The following NBR1 variants were observed in gnomAD, a reference collection of about 807,000 sequenced individuals.
The protein encoded by NBR1 is NBR1 autophagy cargo receptor.
In NBR1, 59 loss-of-function variants were observed where a neutral mutation model predicts 115.5. The ratio of observed to expected loss-of-function variants is 0.51; its 90% CI spans 0.41 to 0.63. NBR1 has a LOEUF of 0.63. Ranked by LOEUF, NBR1 falls within the 30% of genes least tolerant of loss-of-function variation. The pLI, the probability that NBR1 is intolerant of heterozygous loss-of-function variation, is 0.00. For missense variants in NBR1, 1,043 were observed against 1,150.5 expected (o/e 0.91, Z 1.35); for synonymous variants, 373 against 414.7 (o/e 0.90, Z 1.22).
intron 14 of NBR1, 77 bp from the exon 15 acceptor site, chr17:43,196,404 C>A: frequency 1.2e-6 from 1 of 869,144 alleles, no homozygotes; most frequent in Non-Finnish European, 1.7e-6. Context: ...AGCCTACAAA[C>A]TGCTACTTCT....
chr17:43,175,117 T>A lies in NBR1; in HGVS notation c.-9-674T>A, dbSNP rs368403503. Among the ~76,000 whole-genome samples the A allele has an allele frequency of 1.1e-3, 169 of 151,880 alleles. 4 individuals carry two copies. In the South Asian group the frequency reaches 0.035, roughly 31 times the overall value. On this transcript the variant is annotated intron_variant, in intron 1 of 20. Coordinates refer to ENST00000590996, the MANE Select transcript of NBR1 (RefSeq NM_005899.5). Reference sequence around the variant, plus strand: ...TCCGTCTCAAAAATAAATAAATAAATAAAATAAAATAAAAAATCAGTAGAT... The same window carrying A: ...TCCGTCTCAAAAATAAATAAATAAAAAAAATAAAATAAAAAATCAGTAGAT...
At position 43,200,282 on chromosome 17, in the gene NBR1, G is replaced by A; in HGVS notation, c.2142G>A (p.Glu714=). The A allele has an allele frequency of 6.4e-7, 1 of 1,551,908 alleles. No individual in the cohort carries two copies. Reference sequence around the variant, plus strand: ...AGGATGAGGAGGATGAGGAGGAGGAGGATGAGCTCAAAGATGAAGTTCAAA... The same window carrying A: ...AGGATGAGGAGGATGAGGAGGAGGAAGATGAGCTCAAAGATGAAGTTCAAA... ...EEEDEEDEEE[E]DELKDEVQSQ... The change falls in exon 17 of 21, where the codon GAG becomes GAA. Residue 714 remains glutamate, a synonymous_variant. Transcript: ENST00000590996.
At chr17:43,187,819 C>G (rs2056853213) in intron 6 of NBR1, among the ~76,000 whole-genome samples, 1 of 149,206 alleles carries the variant, frequency 6.7e-6, no homozygotes, top group Admixed American at 6.7e-5. Context: ...TGTTTCCTGA[C>G]TTTTTAATGA....
Position 43,201,758 on chromosome 17 carries a change from A to G in NBR1, c.2541A>G (p.Ser847=). ...CAGTTACCATACCAGAAGTTTCTTC[A>G]GTCCCTGATCAGATCAGAGGAGGTA... ...DLPVTIPEVS[S]VPDQIRGEPR... The change falls in exon 18 of 21, where the codon TCA becomes TCG. Residue 847 remains serine (S), a synonymous_variant. Coordinates refer to ENST00000590996, the MANE Select transcript of NBR1 (RefSeq NM_005899.5). 1 of 1,598,418 alleles carries G rather than the reference A, an allele frequency of 6.3e-7. No homozygotes were observed. The highest frequency in any genetic ancestry group is 1.7e-4 in the Middle Eastern group (1 of 6,024).
At chr17:43,205,453 G>GTTCA (rs2057295323) in intron 20 of NBR1, among the ~76,000 whole-genome samples, 1 of 152,222 alleles carries the variant, frequency 6.6e-6, no homozygotes, top group African/African-American at 2.4e-5. Context: ...CCTGAACTGA[G>GTTCA]TCCTAAAGGA....
chr17:43,201,975 C>T (rs1416944967), intron 18 of NBR1, among the ~76,000 whole-genome samples, 195 bp downstream of exon 18: 2 of 151,704 alleles, frequency 1.3e-5, no homozygotes, highest in Admixed American at 6.6e-5. Context: ...GTCAGGAGTT[C>T]GAGACCAGCC....
In NBR1 at chr17:43,197,007, C is replaced by G. The variant is rs759463197; in HGVS notation, c.1927C>G (p.Leu643Val). 7 of 1,613,858 alleles carry G rather than the reference C, an allele frequency of 4.3e-6. No homozygotes were observed. The highest frequency in any genetic ancestry group is 2.7e-5 in the African/African-American group (2 of 74,914). The change falls in exon 16 of 21, where the codon CTG becomes GTG. Residue 643 changes from leucine to valine, a missense_variant. Physicochemically the swap from Leu to Val is conservative, Grantham distance 32. Coordinates refer to ENST00000590996, the MANE Select transcript of NBR1 (RefSeq NM_005899.5). ...IASVEEAEED[L>V]SGTQFVCETV... ...TTCTGTGGAGGAAGCAGAAGAAGAC[C>G]TGAGTGGGACCCAGTTTGTGTGTGA...
At position 43,209,952 on chromosome 17, in the gene NBR1, A is replaced by G; in HGVS notation, c.2779A>G (p.Met927Val). 1 of 1,605,344 alleles carries G rather than the reference A, an allele frequency of 6.2e-7. No individual in the cohort carries two copies. The change falls in exon 21 of 21, where the codon ATG (methionine) becomes GTG (valine). Residue 927 changes from methionine (M) to valine (V), a missense_variant. Met to Val is a conservative substitution (Grantham distance 21, BLOSUM62 1). Coordinates refer to ENST00000590996, the MANE Select transcript of NBR1 (RefSeq NM_005899.5). ...TAALMAHLFE[M>V]GFCDRQLNLR... The stretch of plus-strand genomic sequence containing the variant: ...AGCCCTGATGGCCCATCTCTTTGAA[A>G]TGGGATTCTGTGACAGGCAGCTGAA...
chr17:43,194,316 G>C (rs767972160), intron 12 of NBR1, 34 bp from the exon 13 acceptor site: 24 of 1,582,914 alleles, frequency 1.5e-5, no homozygotes, highest in Non-Finnish European at 2.1e-5. Flanking sequence ...TCTGTTGAAG[G>C]CCTAAAATTT....
chr17:43,186,938 G>C (rs2056817725), intron 6 of NBR1, among the ~76,000 whole-genome samples: 1 of 152,136 alleles, frequency 6.6e-6, no homozygotes, highest in Non-Finnish European at 1.5e-5. Context: ...ATTTGGGTTG[G>C]TTCCAAGTCT....
chr17:43,196,526 T>C lies in NBR1; in HGVS notation c.1796T>C (p.Ile599Thr). The C allele has an allele frequency of 6.2e-7, 1 of 1,605,332 alleles. No homozygotes were observed. Residue 599 changes from isoleucine to threonine, a missense_variant, in exon 15 of 21, where the codon ATA (isoleucine) becomes ACA (threonine). Coordinates refer to ENST00000590996, the MANE Select transcript of NBR1 (RefSeq NM_005899.5). The part of the protein sequence containing the change: ...MSPLPHDSPL[I>T]EKPGLGQIEE... ...CCTCTGCCACATGACAGTCCTTTAATAGAGAAGCCAGGCTTGGGGCAGATA... is the reference window on the plus strand; with the variant it reads ...CCTCTGCCACATGACAGTCCTTTAACAGAGAAGCCAGGCTTGGGGCAGATA...
intron 14 of NBR1, 34 bp downstream of exon 14, chr17:43,195,073 TACTA>T (rs2057036252): frequency 1.9e-6 from 3 of 1,553,516 alleles, no homozygotes; most frequent in Non-Finnish European, 2.7e-6. Flanking sequence ...TTGTTCGTCT[TACTA>T]ATAGGCACAA....
Position 43,200,616 on chromosome 17 carries a change from TCA to T in NBR1, c.2468+11_2468+12del, listed in dbSNP as rs1441732656. 1.3e-6 allele frequency: 2 copies of T among 1,589,448 alleles called. No individual in the cohort carries two copies. Among genetic ancestry groups the T allele is most frequent in the Non-Finnish European group, 1.7e-6 (2 of 1,163,806 alleles). On this transcript the variant is annotated intron_variant, in intron 17 of 20. Coordinates refer to ENST00000590996, the MANE Select transcript of NBR1 (RefSeq NM_005899.5). ...TCCACCGTCACTGCCCAGGTACCAC[TCA>T]CAGCCCCCTCAGCTGGGGTGTTCTT... is the stretch of plus-strand genomic sequence containing the variant.
At chr17:43,173,584 C>T (rs1183192104) in intron 1 of NBR1, among the ~76,000 whole-genome samples, 1 of 152,184 alleles carries the variant, frequency 6.6e-6, no homozygotes, top group Non-Finnish European at 1.5e-5. Context: ...TGTGCTTGGC[C>T]TTTATTATCA....
intron 19 of NBR1, 32 bp from the exon 20 acceptor site, chr17:43,203,649 G>T (rs1259500018): frequency 1.5e-6 from 2 of 1,375,398 alleles, no homozygotes; most frequent in Non-Finnish European, 2.0e-6. Context: ...ATTTGTGTTT[G>T]TTTGGGGAGA....
Position 43,191,575 on chromosome 17 carries a change from C to T in NBR1, c.1067C>T (p.Thr356Ile). Residue 356 changes from threonine to isoleucine, a missense_variant, in exon 10 of 21, where the codon ACC becomes ATC. Physicochemically the swap from Thr to Ile is moderately conservative, Grantham distance 89. Transcript: ENST00000590996. ...CCTGAGAGCTTGCTCCAGTCTAATA[C>T]CCTGATGTAAGCCCAGGACTGGGGT... ...GRPESLLQSNTLMLPLQPCTS... is the reference protein window; with the variant it reads ...GRPESLLQSNILMLPLQPCTS... 1 of 1,608,478 alleles carries T rather than the reference C, an allele frequency of 6.2e-7. No homozygotes were observed. Among genetic ancestry groups the T allele is most frequent in the South Asian group, 1.1e-5 (1 of 89,872 alleles).
intron 5 of NBR1, among the ~76,000 whole-genome samples, chr17:43,183,200 T>C (rs1567849525): frequency 6.6e-6 from 1 of 151,550 alleles, no homozygotes; most frequent in Non-Finnish European, 1.5e-5. Flanking sequence ...GCCTCTTTTT[T>C]TCTTTGACGT....
intron 1 of NBR1, among the ~76,000 whole-genome samples, chr17:43,174,939 CAA>C (rs772007886): frequency 1.8e-4 from 16 of 89,206 alleles, no homozygotes; most frequent in East Asian, 6.1e-4. Context: ...ACCAAAAATA[CAA>C]AAAAAAAAAA....
chr17:43,190,388 C>A, intron 8 of NBR1: 1 of 535,390 alleles, frequency 1.9e-6, no homozygotes, highest in Non-Finnish European at 3.4e-6. Flanking sequence ...ACTTTCACAT[C>A]TTACCTTCCT....
Sources: allele counts gnomAD v4.1 joint callset (sites outside exome capture counted in the v4.1 genomes callset), GRCh38; gene constraint gnomAD v4.1.1; transcripts MANE v1.5; gene names NCBI Gene and HGNC (gene_info 2026-07-23, HGNC 2026-07-21).